The following STK39 variants were observed in gnomAD, a reference collection of about 807,000 sequenced individuals.
The protein encoded by STK39 is serine/threonine kinase 39.
STK39 carries 20 observed loss-of-function variants against 77.8 expected under a neutral mutation model. The ratio of observed to expected loss-of-function variants is 0.26; its 90% CI spans 0.18 to 0.37. STK39 has a LOEUF of 0.37. Among genes scored for constraint, STK39 ranks in the 10% least tolerant of loss-of-function variants. STK39 has a pLI of 1.00. For missense variants in STK39, 479 were observed against 656.5 expected, an observed-to-expected ratio of 0.73 and a Z score of 2.95; for synonymous variants, 246 against 234.1, an observed-to-expected ratio of 1.05 and a Z score of -0.47.
At chr2:168,108,405 G>A (rs987364221) in intron 10 of STK39, among the ~76,000 whole-genome samples, 10 of 152,052 alleles carry the variant, frequency 6.6e-5, no homozygotes, top group East Asian at 3.9e-4. Context: ...AAAATTAGCC[G>A]GGCGTAGTGG....
chr2:168,149,892 A>G (rs1161196980), intron 5 of STK39, among the ~76,000 whole-genome samples: 1 of 152,232 alleles, frequency 6.6e-6, no homozygotes, highest in Non-Finnish European at 1.5e-5. Context: ...ATTTACATAA[A>G]CCTACACCAA....
intron 1 of STK39, among the ~76,000 whole-genome samples, chr2:168,195,613 T>A (rs997674639): frequency 4.6e-5 from 7 of 152,236 alleles, no homozygotes; most frequent in Non-Finnish European, 1.0e-4. Flanking sequence ...AAGATTCAGA[T>A]TCAGTCTCCT....
intron 17 of STK39, among the ~76,000 whole-genome samples, chr2:167,962,876 G>A (rs975749052): frequency 6.6e-6 from 1 of 152,200 alleles, no homozygotes; most frequent in Non-Finnish European, 1.5e-5. Context: ...TGATCGCTGT[G>A]TGATCCTGGG....
At position 168,247,252 on chromosome 2, in the gene STK39, C is replaced by A; in HGVS notation, c.184G>T (p.Ala62Ser). The A allele has an allele frequency of 8.8e-7, 1 of 1,137,436 alleles. No homozygotes were observed. The highest frequency in any genetic ancestry group is 1.1e-6 in the Non-Finnish European group (1 of 928,980). The allele number at this position is 1,137,436 out of a possible 1,614,324, so 70.5% of individuals were successfully genotyped here. Reference sequence around the variant, plus strand: ...CCGATAACCTCCTGCAGCTCGTACGCGTCCCTGCAGATGGGCCAGCCGACA... The same window carrying A: ...CCGATAACCTCCTGCAGCTCGTACGAGTCCCTGCAGATGGGCCAGCCGACA... ...QAVGWPICRD[A>S]YELQEVIGSG... Residue 62 changes from alanine to serine, a missense_variant, in exon 1 of 18, where the codon GCG (alanine) becomes TCG (serine). Coordinates refer to ENST00000355999, the MANE Select transcript of STK39 (RefSeq NM_013233.3).
intron 13 of STK39, among the ~76,000 whole-genome samples, chr2:168,064,582 A>C (rs1242311885): frequency 6.6e-6 from 1 of 152,210 alleles, no homozygotes; most frequent in African/African-American, 2.4e-5. Context: ...TTATCTCTCC[A>C]ATATATGGCT....
intron 10 of STK39, among the ~76,000 whole-genome samples, chr2:168,108,625 A>T (rs574997814): frequency 5.3e-5 from 8 of 152,178 alleles, no homozygotes; most frequent in Non-Finnish European, 1.2e-4. Context: ...AATTTCACAG[A>T]CATGGAGTCC....
At chr2:168,001,456 A>T (rs1683999183) in intron 16 of STK39, among the ~76,000 whole-genome samples, 2 of 152,042 alleles carry the variant, frequency 1.3e-5, no homozygotes, top group African/African-American at 4.8e-5. Context: ...TGGATGCTAA[A>T]CTTAAGTAGT....
intron 1 of STK39, among the ~76,000 whole-genome samples, chr2:168,236,808 A>G (rs1214038224): frequency 6.6e-6 from 1 of 151,936 alleles, no homozygotes; most frequent in East Asian, 1.9e-4. Flanking sequence ...ATTGGTCTAT[A>G]TCTCTGTTTT....
chr2:168,182,214 T>C, intron 1 of STK39, 124 bp from the exon 2 acceptor site: 1 of 639,728 alleles, frequency 1.6e-6, no homozygotes, highest in Non-Finnish European at 2.7e-6. Flanking sequence ...AACATTACCA[T>C]TTGACATCTT....
chr2:168,191,001 G>A (rs1220123403), intron 1 of STK39, among the ~76,000 whole-genome samples: 1 of 152,222 alleles, frequency 6.6e-6, no homozygotes, highest in Non-Finnish European at 1.5e-5. Flanking sequence ...AAAGGTACAA[G>A]TGTCCTGGTT....
intron 14 of STK39, among the ~76,000 whole-genome samples, chr2:168,028,094 C>G (rs1001115364): frequency 2.0e-5 from 3 of 152,176 alleles, no homozygotes; most frequent in Non-Finnish European, 4.4e-5. Flanking sequence ...GCTGTTTCCT[C>G]TCCCTAACCT....
chr2:168,021,718 G>A (rs1295012275), intron 14 of STK39, among the ~76,000 whole-genome samples: 2 of 151,652 alleles, frequency 1.3e-5, no homozygotes, highest in Non-Finnish European at 2.9e-5. Context: ...CTTAAATTTG[G>A]TAAGGTACAG....
chr2:167,961,945 AC>A (rs1240036067), intron 17 of STK39, among the ~76,000 whole-genome samples: 2 of 152,150 alleles, frequency 1.3e-5, no homozygotes, highest in Non-Finnish European at 2.9e-5. Flanking sequence ...CTGCAGACTC[AC>A]CCCTGGTCTA....
chr2:168,232,635 A>G (rs528312906), intron 1 of STK39, among the ~76,000 whole-genome samples: 1 of 152,250 alleles, frequency 6.6e-6, no homozygotes, highest in Non-Finnish European at 1.5e-5. Flanking sequence ...CATGAAGGCC[A>G]GGCGCAGTGG....
At chr2:167,970,743 C>T (rs1692312906) in intron 16 of STK39, among the ~76,000 whole-genome samples, 1 of 152,330 alleles carries the variant, frequency 6.6e-6, no homozygotes, top group East Asian at 1.9e-4. Context: ...GCGCCTGTAA[C>T]AAGCTCAATC....
intron 10 of STK39, among the ~76,000 whole-genome samples, chr2:168,087,353 A>G (rs2105426811): frequency 1.3e-5 from 2 of 152,344 alleles, no homozygotes; most frequent in East Asian, 3.9e-4. Context: ...TGTCAGGTTG[A>G]CTGTGCTAGT....
At chr2:168,091,807 T>C (rs1686533625) in intron 10 of STK39, among the ~76,000 whole-genome samples, 1 of 152,194 alleles carries the variant, frequency 6.6e-6, no homozygotes, top group African/African-American at 2.4e-5. Flanking sequence ...ACATTCCAAC[T>C]CTTTTGCTTC....
intron 10 of STK39, among the ~76,000 whole-genome samples, chr2:168,098,280 A>C (rs901715320): frequency 6.6e-6 from 1 of 152,182 alleles, no homozygotes; most frequent in African/African-American, 2.4e-5. Flanking sequence ...AAGTGCCCAT[A>C]TTCTCCTTCA....
At chr2:168,120,500 C>T (rs1027706785) in intron 10 of STK39, among the ~76,000 whole-genome samples, 3 of 152,190 alleles carry the variant, frequency 2.0e-5, no homozygotes, top group Non-Finnish European at 4.4e-5. Flanking sequence ...GTATCATGTG[C>T]ACCTGAGTGC....
Sources: allele counts gnomAD v4.1 joint callset (sites outside exome capture counted in the v4.1 genomes callset), GRCh38; gene constraint gnomAD v4.1.1; transcripts MANE v1.5; gene names NCBI Gene and HGNC (gene_info 2026-07-23, HGNC 2026-07-21).